The following TG variants were observed in gnomAD, a reference collection of about 807,000 sequenced individuals.
TG encodes thyroid hormones.
A neutral mutation model predicts 324.7 loss-of-function variants in TG; 270 were observed. The observed-to-expected ratio is 0.83, with a 90% confidence interval of 0.75 to 0.92. TG has a LOEUF of 0.92. Among genes scored for constraint, TG ranks in the 40% least tolerant of loss-of-function variants. The pLI is 0.00. For synonymous variants in TG, 1,401 were observed against 1,327.0 expected (o/e 1.06, Z -1.21); for missense variants, 3,591 against 3,456.4 (o/e 1.04, Z -0.98).
intron 21 of TG, 56 bp from the exon 22 acceptor site, chr8:132,923,282 A>G (rs1821361021): frequency 6.9e-6 from 11 of 1,591,892 alleles, no homozygotes; most frequent in Non-Finnish European, 8.6e-6. Flanking sequence ...TGGGAGTAGG[A>G]GTCAGGGGAT....
In TG at chr8:132,948,941, A is replaced by G. The variant is rs1477212432; in HGVS notation, c.5399A>G (p.Lys1800Arg). The G allele has an allele frequency of 2.5e-6, 4 of 1,613,424 alleles. No homozygotes were observed. In the South Asian group the frequency reaches 3.3e-5, roughly 13 times the overall value. Residue 1800 changes from lysine to arginine, a missense_variant and splice_region_variant, in exon 27 of 48, where the codon AAG (lysine) becomes AGG (arginine). Physicochemically the swap from Lys to Arg is conservative, Grantham distance 26 (BLOSUM62 2). Transcript: ENST00000220616. ...ILRLGDQEFI[K>R]SLTPLEGTQD... ...CGTCTTGGAGACCAGGAGTTCATCAAGAGTAAGTCTTTGCCATTTGTCCAT... is the reference window on the plus strand; with the variant it reads ...CGTCTTGGAGACCAGGAGTTCATCAGGAGTAAGTCTTTGCCATTTGTCCAT...
intron 41 of TG, among the ~76,000 whole-genome samples, chr8:133,065,841 A>T (rs1842958490): frequency 6.6e-6 from 1 of 152,174 alleles, no homozygotes; most frequent in South Asian, 2.1e-4. Context: ...TAGGAAGCAT[A>T]AACTTTGGGG....
At chr8:133,008,409 C>CA (rs1834209147) in intron 35 of TG, among the ~76,000 whole-genome samples, 1 of 151,864 alleles carries the variant, frequency 6.6e-6, no homozygotes, top group Non-Finnish European at 1.5e-5. Flanking sequence ...GATAAGTACT[C>CA]ACGATGCGAT....
At chr8:132,914,387 G>A (rs1237807080) in intron 20 of TG, among the ~76,000 whole-genome samples, 2 of 152,122 alleles carry the variant, frequency 1.3e-5, no homozygotes, top group African/African-American at 2.4e-5. Flanking sequence ...TATGTTGGTC[G>A]CAACATAAAA....
At chr8:133,101,568 A>G (rs573336083) in intron 43 of TG, among the ~76,000 whole-genome samples, 1 of 146,480 alleles carries the variant, frequency 6.8e-6, no homozygotes, top group East Asian at 2.0e-4. Flanking sequence ...GAAACAGGAC[A>G]TATCAATTGC....
intron 5 of TG, among the ~76,000 whole-genome samples, chr8:132,873,876 A>T (rs1010545013): frequency 6.6e-6 from 1 of 152,180 alleles, no homozygotes; most frequent in Non-Finnish European, 1.5e-5. Context: ...TGCAGAAGAA[A>T]GAGTAGGCAG....
chr8:132,871,896 T>G (rs372440039), intron 4 of TG, among the ~76,000 whole-genome samples: 2 of 152,290 alleles, frequency 1.3e-5, no homozygotes, highest in African/African-American at 4.8e-5. Context: ...GTGGACCACA[T>G]ACATGATGAT....
At chr8:133,085,150 C>T (rs576988288) in intron 41 of TG, among the ~76,000 whole-genome samples, 8 of 152,304 alleles carry the variant, frequency 5.3e-5, no homozygotes, top group Admixed American at 3.9e-4. Context: ...GTGATTTAAG[C>T]TTGCAAGTAT....
At chr8:133,042,902 C>A (rs1033230862) in intron 41 of TG, among the ~76,000 whole-genome samples, 2 of 151,750 alleles carry the variant, frequency 1.3e-5, no homozygotes, top group African/African-American at 4.8e-5. Flanking sequence ...CCATGTTGGT[C>A]AGACTAGCCT....
intron 15 of TG, among the ~76,000 whole-genome samples, 161 bp downstream of exon 15, chr8:132,900,500 G>A (rs756734920): frequency 5.9e-5 from 9 of 152,170 alleles, no homozygotes; most frequent in Non-Finnish European, 8.8e-5. Flanking sequence ...CTATGAAATC[G>A]GGGCAATATT....
intron 22 of TG, among the ~76,000 whole-genome samples, chr8:132,925,797 G>A (rs969201600): frequency 6.6e-6 from 1 of 152,132 alleles, no homozygotes; most frequent in African/African-American, 2.4e-5. Context: ...TCTGTCAATG[G>A]GTTGGCCTTG....
At chr8:133,039,951 ATG>A (rs1564102529) in intron 41 of TG, 4 of 1,480,094 alleles carry the variant, frequency 2.7e-6, no homozygotes, top group East Asian at 2.6e-5. Context: ...GAGCACTTGC[ATG>A]CACACACACA....
chr8:132,876,699 G>A (rs1813847962), intron 5 of TG, among the ~76,000 whole-genome samples: 1 of 152,170 alleles, frequency 6.6e-6, no homozygotes, highest in African/African-American at 2.4e-5. Context: ...AAGCTTCACT[G>A]GTCCTTCTGA....
At chr8:132,999,545 A>G (rs929420842) in intron 35 of TG, among the ~76,000 whole-genome samples, 1 of 152,170 alleles carries the variant, frequency 6.6e-6, no homozygotes. Flanking sequence ...TGAGGTGCAT[A>G]ACGACTGGGT....
intron 41 of TG, among the ~76,000 whole-genome samples, chr8:133,064,807 A>G (rs1043010268): frequency 2.6e-5 from 4 of 152,178 alleles, no homozygotes; most frequent in Admixed American, 1.3e-4. Flanking sequence ...TTCCTGGGAC[A>G]GTGTCCCAGG....
At position 133,077,877 on chromosome 8, in the gene TG, C is replaced by T. The variant is rs7840281; in HGVS notation, c.7240-17167C>T. ...GACAGCAGGAGCCCCCCGCACCCCT[C>T]CAAGTCATGACAACCAAAAATGTCC... is the stretch of plus-strand genomic sequence containing the variant. On this transcript the variant is annotated intron_variant, in intron 41 of 47. Transcript: ENST00000220616. 4.6e-3 allele frequency among the ~76,000 whole-genome samples: 696 copies of T among 152,078 alleles called. 9 individuals carry two copies. Among genetic ancestry groups the T allele is most frequent in the African/African-American group, 0.016 (668 of 41,458 alleles).
intron 20 of TG, among the ~76,000 whole-genome samples, chr8:132,917,388 A>ATG (rs34975986): frequency 0.41 from 60,884 of 149,870 alleles, 14,869 homozygotes; most frequent in Admixed American, 0.53. Context: ...GTGCATGTAT[A>ATG]TGTGTGTGTG....
At chr8:132,900,924 C>T (rs975726106) in intron 15 of TG, among the ~76,000 whole-genome samples, 2 of 152,176 alleles carry the variant, frequency 1.3e-5, no homozygotes, top group African/African-American at 2.4e-5. Context: ...TGCCTTCACG[C>T]GTTCTGGCTG....
chr8:132,972,343 A>G (rs1020261171), intron 33 of TG: 7 of 558,364 alleles, frequency 1.3e-5, no homozygotes, highest in South Asian at 2.1e-5. Context: ...AGTGATACCA[A>G]CAGAGACCTA....
Sources: allele counts gnomAD v4.1 joint callset (sites outside exome capture counted in the v4.1 genomes callset), GRCh38; gene constraint gnomAD v4.1.1; transcripts MANE v1.5; gene names NCBI Gene and HGNC (gene_info 2026-07-23, HGNC 2026-07-21).